TNPO1: variants seen among roughly 807,000 people sequenced by gnomAD.
TNPO1 encodes transportin-1.
Under a neutral mutation model 119.5 loss-of-function variants are expected in TNPO1, and 8 were observed. The observed-to-expected ratio is 0.07, with a 90% confidence interval of 0.04 to 0.12. The LOEUF is 0.12. TNPO1 is among the 10% of genes least tolerant of loss of function. TNPO1 has a pLI of 1.00. For synonymous variants in TNPO1, 362 were observed against 363.0 expected (o/e 1.00, Z 0.03); for missense variants, 576 against 1,089.8 (o/e 0.53, Z 6.64).
chr5:72,819,565 T>C (rs1458725457), intron 1 of TNPO1, among the ~76,000 whole-genome samples: 1 of 152,116 alleles, frequency 6.6e-6, no homozygotes, highest in Middle Eastern at 3.2e-3. Context: ...AGAATACATA[T>C]AGGAATAGTG....
intron 23 of TNPO1, 90 bp from the exon 24 acceptor site, chr5:72,905,213 A>G: frequency 1.1e-6 from 1 of 916,264 alleles, no homozygotes; most frequent in Non-Finnish European, 1.6e-6. Context: ...TAAAATTTAT[A>G]AAAAAATCAG....
At chr5:72,899,525 A>T (rs1316757154) in intron 20 of TNPO1, among the ~76,000 whole-genome samples, 1 of 152,198 alleles carries the variant, frequency 6.6e-6, no homozygotes, top group African/African-American at 2.4e-5. Flanking sequence ...AATGGAAATC[A>T]CTTTCACCTG....
At chr5:72,888,398 T>G in intron 13 of TNPO1, 95 bp downstream of exon 13, 1 of 1,097,406 alleles carries the variant, frequency 9.1e-7, no homozygotes, top group Non-Finnish European at 1.3e-6. Context: ...TATAATGAAG[T>G]GTTTCGTAAT....
intron 5 of TNPO1, among the ~76,000 whole-genome samples, chr5:72,864,178 A>G (rs1012579193): frequency 4.6e-5 from 7 of 152,184 alleles, no homozygotes; most frequent in African/African-American, 1.7e-4. Context: ...CTATTTTAGC[A>G]TGTTAATTAA....
chr5:72,817,934 T>G (rs931332429), intron 1 of TNPO1, among the ~76,000 whole-genome samples: 2 of 152,172 alleles, frequency 1.3e-5, no homozygotes, highest in Non-Finnish European at 2.9e-5. Flanking sequence ...AAAGGATCTG[T>G]TTTCCACTTT....
chr5:72,859,407 T>C (rs916589225), intron 4 of TNPO1, among the ~76,000 whole-genome samples: 4 of 152,184 alleles, frequency 2.6e-5, no homozygotes, highest in Non-Finnish European at 5.9e-5. Flanking sequence ...CTGACTGAGC[T>C]CCTTGAGGGA....
chr5:72,905,208 T>A, intron 23 of TNPO1, 95 bp from the exon 24 acceptor site: 1 of 935,214 alleles, frequency 1.1e-6, no homozygotes, highest in South Asian at 1.5e-5. Flanking sequence ...ATGGATAAAA[T>A]TTATAAAAAA....
At chr5:72,832,569 T>C (rs1443726797) in intron 1 of TNPO1, among the ~76,000 whole-genome samples, 3 of 152,188 alleles carry the variant, frequency 2.0e-5, no homozygotes, top group Admixed American at 6.5e-5. Flanking sequence ...CTTTGAGATA[T>C]GGAGTGTCTG....
At chr5:72,880,432 A>G (rs1748153082) in intron 9 of TNPO1, among the ~76,000 whole-genome samples, 1 of 152,102 alleles carries the variant, frequency 6.6e-6, no homozygotes, top group South Asian at 2.1e-4. Flanking sequence ...TGGATTTTCC[A>G]TGTGAAACAA....
intron 1 of TNPO1, among the ~76,000 whole-genome samples, chr5:72,843,623 A>G (rs1745009581): frequency 6.6e-6 from 1 of 151,984 alleles, no homozygotes; most frequent in Non-Finnish European, 1.5e-5. Context: ...CCAAAAAACA[A>G]AAAACTACTA....
At chr5:72,878,943 GGC>G (rs1178595165) in intron 9 of TNPO1, 9 of 503,508 alleles carry the variant, frequency 1.8e-5, no homozygotes, top group Non-Finnish European at 3.6e-5. Flanking sequence ...TTTGAAATTT[GGC>G]ACGAACCATG....
rs551003757 is a variant in TNPO1 at position 72,848,206 on chromosome 5, C to T, written c.16-179C>T. 19 of 1,241,688 alleles carry T rather than the reference C, an allele frequency of 1.5e-5. No homozygotes were observed. In the East Asian group the frequency reaches 5.5e-4, roughly 36 times the overall value. 76.9% of individuals were successfully genotyped at this position (1,241,688 alleles called of 1,614,324 possible). A position where few individuals can be genotyped will look rare whatever the true frequency, so the allele number is the denominator to read the frequency against. On this transcript the variant is annotated intron_variant, in intron 1 of 24. Transcript: ENST00000337273. The stretch of plus-strand genomic sequence containing the variant: ...GCGGCCGGGCTGCCAGGAGCAGTTC[C>T]GCCGGGTTTCACTGTCCGTGACTTC...
Position 72,848,479 on chromosome 5 carries a change from T to C in TNPO1, c.110T>C (p.Ile37Thr). 6.2e-7 allele frequency: 1 copy of C among 1,605,506 alleles called. No homozygotes were observed. Among genetic ancestry groups the C allele is most frequent in the East Asian group, 2.3e-5 (1 of 43,832 alleles). The change falls in exon 2 of 25, where the codon ATC becomes ACC. Residue 37 changes from isoleucine to threonine, a missense_variant. Physicochemically the swap from Ile to Thr is moderately conservative, Grantham distance 89 (BLOSUM62 -1). Around this residue, in one of 6 missense-constraint regions of TNPO1, gnomAD observed 57 missense variants for 59.5 expected, o/e 0.96. Transcript: ENST00000337273. Reference protein sequence around the residue: ...LKESQSPDTTIQRTVQQKLEQ... With the variant: ...LKESQSPDTTTQRTVQQKLEQ... The stretch of plus-strand genomic sequence containing the variant: ...GAGTCCCAGTCCCCAGACACCACCA[T>C]CCAGAGAACCGTGCAACAAGTATCC...
chr5:72,855,948 C>G, intron 4 of TNPO1, 25 bp downstream of exon 4: 1 of 1,610,322 alleles, frequency 6.2e-7, no homozygotes, highest in South Asian at 1.1e-5. Flanking sequence ...AACAGTTTTG[C>G]TTACTTTGTT....
At chr5:72,877,441 A>G (rs1747879313) in intron 9 of TNPO1, 95 bp downstream of exon 9, 2 of 659,292 alleles carry the variant, frequency 3.0e-6, no homozygotes, top group South Asian at 2.9e-5. Context: ...TTTTGCCATC[A>G]GGGAGTGAGA....
chr5:72,889,590 T>C (rs956142303), intron 13 of TNPO1, among the ~76,000 whole-genome samples, 196 bp from the exon 14 acceptor site: 2 of 152,148 alleles, frequency 1.3e-5, no homozygotes, highest in African/African-American at 4.8e-5. Flanking sequence ...GCAACATAAT[T>C]ATCATTTATG....
At position 72,910,644 on chromosome 5, in the gene TNPO1, C is replaced by T. The variant is rs1420641089; in HGVS notation, c.*1971C>T. The T allele has an allele frequency of 6.6e-6, 1 of 152,518 alleles. No homozygotes were observed. Among genetic ancestry groups the T allele is most frequent in the Admixed American group, 6.6e-5 (1 of 15,264 alleles). 9.4% of individuals were successfully genotyped at this position (152,518 alleles called of 1,614,324 possible). On this transcript the variant is annotated 3_prime_UTR_variant, in exon 25 of 25. Coordinates refer to ENST00000337273, the MANE Select transcript of TNPO1 (RefSeq NM_002270.4). ...AATACTGAATAACCATTTTTATAAGCAGTTGCTCCTCTTTGCATGGTTCTA... is the reference window on the plus strand; with the variant it reads ...AATACTGAATAACCATTTTTATAAGTAGTTGCTCCTCTTTGCATGGTTCTA...
chr5:72,837,729 G>A (rs1744743506), intron 1 of TNPO1, among the ~76,000 whole-genome samples: 1 of 152,160 alleles, frequency 6.6e-6, no homozygotes, highest in Non-Finnish European at 1.5e-5. Context: ...GTAGTGTGCA[G>A]GGAACAAACA....
intron 20 of TNPO1, 119 bp downstream of exon 20, chr5:72,897,270 G>T: frequency 1.6e-6 from 1 of 634,324 alleles, no homozygotes. Context: ...GTATTTAATT[G>T]CTATTTCGGA....
Sources: allele counts gnomAD v4.1 joint callset (sites outside exome capture counted in the v4.1 genomes callset), GRCh38; gene constraint gnomAD v4.1.1; regional missense constraint gnomAD v4.1.1; transcripts MANE v1.5; gene names NCBI Gene and HGNC (gene_info 2026-07-23, HGNC 2026-07-21).